SV2C: variants seen among roughly 807,000 people sequenced by gnomAD.
SV2C encodes solute carrier family 22 member B3.
SV2C carries 49 observed loss-of-function variants against 79.7 expected under a neutral mutation model. That is an observed-to-expected ratio of 0.61 (90% CI 0.49 to 0.78). The LOEUF (loss-of-function observed/expected upper bound fraction) is 0.78. SV2C is among the 30% of genes least tolerant of loss of function. The pLI, the probability that SV2C is intolerant of heterozygous loss-of-function variation, is 0.00. For missense variants in SV2C, 833 were observed against 912.9 expected (o/e 0.91, Z 1.13); for synonymous variants, 334 against 333.2 (o/e 1.00, Z -0.03).
At chr5:75,985,515 A>G in the SV2C span, among the ~76,000 whole-genome samples, 2 of 151,992 alleles carry the variant, frequency 1.3e-5, no homozygotes, top group South Asian at 2.1e-4. Flanking sequence ...TCTAATAAGC[A>G]CCTGCTCCTA....
At chr5:76,003,202 G>A in the SV2C span, among the ~76,000 whole-genome samples, 1 of 152,120 alleles carries the variant, frequency 6.6e-6, no homozygotes, top group South Asian at 2.1e-4. Context: ...GCAGAATTGT[G>A]AGTCAATGAA....
At chr5:76,289,145 G>A (rs1022913049) in intron 6 of SV2C, among the ~76,000 whole-genome samples, 9 of 152,100 alleles carry the variant, frequency 5.9e-5, no homozygotes, top group African/African-American at 1.9e-4. Flanking sequence ...CCTCAGCCTC[G>A]CAAAGGGCTG....
chr5:75,968,978 C>T, the SV2C span, among the ~76,000 whole-genome samples: 24 of 152,298 alleles, frequency 1.6e-4, no homozygotes, highest in South Asian at 1.9e-3. Flanking sequence ...GCTGATCTCT[C>T]GGCAGAAACT....
chr5:75,969,434 A>C, the SV2C span, among the ~76,000 whole-genome samples: 1 of 152,222 alleles, frequency 6.6e-6, no homozygotes, highest in African/African-American at 2.4e-5. Flanking sequence ...AACCCATTTC[A>C]CATGCAGAGA....
the SV2C span, among the ~76,000 whole-genome samples, chr5:75,989,201 C>A: frequency 6.6e-6 from 1 of 151,820 alleles, no homozygotes; most frequent in African/African-American, 2.4e-5. Flanking sequence ...AGGTCTGTTA[C>A]ATAAGTAAAC....
At chr5:76,178,454 G>C (rs1469553337) in intron 2 of SV2C, among the ~76,000 whole-genome samples, 1 of 152,068 alleles carries the variant, frequency 6.6e-6, no homozygotes, top group Non-Finnish European at 1.5e-5. Context: ...GTGGCTCCCA[G>C]TCTTTTGGAT....
chr5:76,163,644 G>C (rs936082549), intron 2 of SV2C, among the ~76,000 whole-genome samples: 2 of 152,084 alleles, frequency 1.3e-5, no homozygotes, highest in Non-Finnish European at 2.9e-5. Flanking sequence ...CTCACTGACA[G>C]ACCCCCTTCT....
the SV2C span, among the ~76,000 whole-genome samples, chr5:75,971,200 A>G: frequency 1.3e-5 from 2 of 152,142 alleles, no homozygotes; most frequent in African/African-American, 4.8e-5. Flanking sequence ...TATCCATGAC[A>G]AACCCACAGC....
In SV2C at chr5:76,331,094, G is replaced by A. The variant is rs1195177721; in HGVS notation, c.*5547G>A. The A allele has an allele frequency of 6.6e-6, 1 of 152,244 alleles. No homozygotes were observed. Among genetic ancestry groups the A allele is most frequent in the Non-Finnish European group, 1.5e-5 (1 of 68,114 alleles). The allele number at this position is 152,244 out of a possible 1,614,324, so 9.4% of individuals were successfully genotyped here. A position where few individuals can be genotyped will look rare whatever the true frequency, so the allele number is the denominator to read the frequency against. On this transcript the variant is annotated 3_prime_UTR_variant, in exon 13 of 13. Transcript: ENST00000502798. ...GCTGGTCTCCAACTCCTAACTTCAAGTGATCTACCCACCTTGGCCTCCCAA... is the reference window on the plus strand; with the variant it reads ...GCTGGTCTCCAACTCCTAACTTCAAATGATCTACCCACCTTGGCCTCCCAA...
chr5:76,123,072 A>C (rs2112166372), intron 1 of SV2C, among the ~76,000 whole-genome samples: 1 of 152,340 alleles, frequency 6.6e-6, no homozygotes. Flanking sequence ...AGAAATACAA[A>C]CTACCATCAG....
the SV2C span, among the ~76,000 whole-genome samples, chr5:75,849,966 A>G: frequency 2.0e-5 from 3 of 152,196 alleles, no homozygotes; most frequent in East Asian, 1.9e-4. Flanking sequence ...TATTTTTATC[A>G]TAACTGCTTA....
chr5:75,993,215 CATTT>C, the SV2C span, among the ~76,000 whole-genome samples: 6 of 152,122 alleles, frequency 3.9e-5, no homozygotes, highest in Admixed American at 3.3e-4. Context: ...TGTTTCTAAA[CATTT>C]ATAACCAAAA....
chr5:76,051,330 G>A, the SV2C span, among the ~76,000 whole-genome samples: 1 of 151,532 alleles, frequency 6.6e-6, no homozygotes, highest in Non-Finnish European at 1.5e-5. Context: ...CTGTGTAGAT[G>A]AGAGACTAAA....
chr5:76,030,289 T>TTTATTTA, the SV2C span, among the ~76,000 whole-genome samples: 8 of 117,910 alleles, frequency 6.8e-5, no homozygotes, highest in African/African-American at 3.1e-4. Context: ...TTTTTTTTTT[T>TTTATTTA]TTTATTTATT....
At chr5:76,066,463 G>A in the SV2C span, among the ~76,000 whole-genome samples, 1 of 108,900 alleles carries the variant, frequency 9.2e-6, no homozygotes, top group East Asian at 3.5e-4. Flanking sequence ...TGGGGGGAGG[G>A]GGGAGGGGGG....
At chr5:76,235,936 T>G (rs900612799) in intron 4 of SV2C, among the ~76,000 whole-genome samples, 2 of 152,196 alleles carry the variant, frequency 1.3e-5, no homozygotes, top group African/African-American at 4.8e-5. Context: ...AATTGAATAA[T>G]TTATGTATTG....
the SV2C span, among the ~76,000 whole-genome samples, chr5:75,889,091 T>A: frequency 6.6e-6 from 1 of 152,250 alleles, no homozygotes; most frequent in East Asian, 1.9e-4. Context: ...ACATTTTATT[T>A]TATTTTTTAT....
At chr5:76,302,196 C>CT (rs989041764) in intron 12 of SV2C, among the ~76,000 whole-genome samples, 11 of 152,124 alleles carry the variant, frequency 7.2e-5, no homozygotes, top group Non-Finnish European at 1.6e-4. Flanking sequence ...CTAACCAGTC[C>CT]TTAGAGGGTC....
the SV2C span, among the ~76,000 whole-genome samples, chr5:76,074,856 G>C: frequency 6.6e-6 from 1 of 152,204 alleles, no homozygotes; most frequent in Non-Finnish European, 1.5e-5. Flanking sequence ...GAATACAACA[G>C]ATGGAGACAT....
Sources: gnomAD v4.1 joint callset for allele counts (sites outside exome capture counted in the v4.1 genomes callset) on GRCh38, gnomAD v4.1.1 for gene constraint, MANE v1.5 for transcripts, NCBI Gene and HGNC (gene_info 2026-07-23, HGNC 2026-07-21) for gene names.